Variants in ATP8B4 observed in about 807,000 individuals in gnomAD.
The protein encoded by ATP8B4 is probable phospholipid-transporting ATPase IM.
A neutral mutation model predicts 145.6 loss-of-function variants in ATP8B4; 133 were observed. The ratio of observed to expected loss-of-function variants is 0.91; its 90% CI spans 0.79 to 1.05. The LOEUF (loss-of-function observed/expected upper bound fraction) is 1.05, where lower values mean the gene tolerates loss of function less well. ATP8B4 is among the 50% of genes least tolerant of loss of function. The pLI, the probability that ATP8B4 is intolerant of heterozygous loss-of-function variation, is 0.00. For missense variants in ATP8B4, 1,458 were observed against 1,425.2 expected, an observed-to-expected ratio of 1.02 and a Z score of -0.37; for synonymous variants, 507 against 492.9, an observed-to-expected ratio of 1.03 and a Z score of -0.38.
At chr15:50,072,256 C>T (rs1026513326) in intron 3 of ATP8B4, among the ~76,000 whole-genome samples, 8 of 152,128 alleles carry the variant, frequency 5.3e-5, no homozygotes, top group Non-Finnish European at 8.8e-5. Flanking sequence ...TCAAACCCCT[C>T]TTTGAATTGA....
intron 7 of ATP8B4, chr15:50,009,698 C>CAAATTT (rs2048582722): frequency 2.2e-6 from 1 of 454,374 alleles, no homozygotes; most frequent in Admixed American, 2.4e-5. Context: ...GATGGACAAG[C>CAAATTT]AAATTTAAAT....
At chr15:49,913,659 C>G (rs1190521514) in intron 20 of ATP8B4, among the ~76,000 whole-genome samples, 1 of 152,050 alleles carries the variant, frequency 6.6e-6, no homozygotes, top group Admixed American at 6.6e-5. Context: ...AACTGATAAC[C>G]AAATTCAGTA....
At chr15:50,126,098 G>A (rs938400958) in intron 1 of ATP8B4, among the ~76,000 whole-genome samples, 2 of 152,060 alleles carry the variant, frequency 1.3e-5, no homozygotes, top group Non-Finnish European at 2.9e-5. Context: ...AACAGGCTTC[G>A]GAACTACAGG....
At chr15:50,116,256 A>C (rs1160828855) in intron 1 of ATP8B4, among the ~76,000 whole-genome samples, 2 of 152,158 alleles carry the variant, frequency 1.3e-5, no homozygotes, top group Non-Finnish European at 2.9e-5. Flanking sequence ...TGTCTGTTCA[A>C]GTAAAATAAA....
chr15:50,089,585 G>A (rs2055458807), intron 2 of ATP8B4, among the ~76,000 whole-genome samples: 1 of 152,032 alleles, frequency 6.6e-6, no homozygotes, highest in Non-Finnish European at 1.5e-5. Context: ...TATCTCACAC[G>A]AGTCAGAATG....
intron 14 of ATP8B4, among the ~76,000 whole-genome samples, chr15:49,940,107 C>T (rs2042045938): frequency 6.6e-6 from 1 of 152,090 alleles, no homozygotes; most frequent in South Asian, 2.1e-4. Context: ...GTATGTTCAT[C>T]ATGGTATTAT....
intron 3 of ATP8B4, among the ~76,000 whole-genome samples, chr15:50,056,700 T>C (rs1369282278): frequency 7.3e-6 from 1 of 137,870 alleles, no homozygotes; most frequent in Non-Finnish European, 1.5e-5. Flanking sequence ...TATGTATATG[T>C]GTATATATAT....
At chr15:50,021,328 T>C (rs149279292) in intron 6 of ATP8B4, among the ~76,000 whole-genome samples, 10 of 152,346 alleles carry the variant, frequency 6.6e-5, no homozygotes, top group African/African-American at 2.4e-4. Context: ...AATCTTTTTA[T>C]TGTTCATATA....
At chr15:50,169,835 A>G (rs997043786) in intron 1 of ATP8B4, among the ~76,000 whole-genome samples, 1 of 152,242 alleles carries the variant, frequency 6.6e-6, no homozygotes, top group Non-Finnish European at 1.5e-5. Flanking sequence ...TAAAGAAAAA[A>G]CAATCAAATA....
At position 50,107,012 on chromosome 15, in the gene ATP8B4, A is replaced by G. The variant is rs142525839; in HGVS notation, c.-42-4T>C. 0.011 allele frequency: 16,970 copies of G among 1,530,028 alleles called. 133 individuals carry two copies. Among genetic ancestry groups the G allele is most frequent in the Non-Finnish European group, 0.013 (14,416 of 1,141,354 alleles). 94.8% of individuals were successfully genotyped at this position (1,530,028 alleles called of 1,614,324 possible). On this transcript the variant is annotated splice_region_variant and splice_polypyrimidine_tract_variant and intron_variant, in intron 1 of 27. Transcript: ENST00000284509. ...CAGGTCTCAACAGGTGGCCTACCTA[A>G]GAAAAAGAAGTATGCATATTAGTAT...
intron 1 of ATP8B4, among the ~76,000 whole-genome samples, chr15:50,130,809 C>G (rs1245182982): frequency 1.3e-5 from 2 of 151,996 alleles, no homozygotes; most frequent in Non-Finnish European, 2.9e-5. Context: ...AAATAAGAGT[C>G]TTGGATTGCA....
chr15:50,022,165 GCAA>G (rs920161487), intron 6 of ATP8B4, among the ~76,000 whole-genome samples: 3 of 146,316 alleles, frequency 2.1e-5, no homozygotes, highest in Non-Finnish European at 3.0e-5. Context: ...ACAAAAAAAT[GCAA>G]CAACAAGGGA....
chr15:49,957,817 C>T (rs1183914475), intron 14 of ATP8B4, among the ~76,000 whole-genome samples: 2 of 151,768 alleles, frequency 1.3e-5, no homozygotes, highest in African/African-American at 4.8e-5. Context: ...ATGATCAGAA[C>T]ACTTTAATTA....
chr15:50,007,699 G>T (rs2048412330), intron 7 of ATP8B4, among the ~76,000 whole-genome samples: 1 of 152,088 alleles, frequency 6.6e-6, no homozygotes, highest in African/African-American at 2.4e-5. Flanking sequence ...TCTTTCAGGG[G>T]CCTGTAAGTT....
chr15:49,912,733 A>G (rs1207328901), intron 20 of ATP8B4, among the ~76,000 whole-genome samples: 3 of 152,162 alleles, frequency 2.0e-5, no homozygotes, highest in Non-Finnish European at 4.4e-5. Context: ...AAAACTACAG[A>G]TCAATATCTC....
At chr15:50,147,039 G>C (rs1402926856) in intron 1 of ATP8B4, among the ~76,000 whole-genome samples, 1 of 152,190 alleles carries the variant, frequency 6.6e-6, no homozygotes, top group Non-Finnish European at 1.5e-5. Flanking sequence ...TTTTAAAAGA[G>C]ATATGGAGTA....
At chr15:50,118,017 G>C (rs1040171804) in intron 1 of ATP8B4, among the ~76,000 whole-genome samples, 6 of 152,110 alleles carry the variant, frequency 3.9e-5, no homozygotes, top group Non-Finnish European at 8.8e-5. Context: ...GAGGAAGAAG[G>C]GGGTGAAGGT....
At chr15:50,158,044 C>T (rs1346044495) in intron 1 of ATP8B4, among the ~76,000 whole-genome samples, 1 of 152,234 alleles carries the variant, frequency 6.6e-6, no homozygotes, top group African/African-American at 2.4e-5. Context: ...GACGGAGTCT[C>T]GTTCACTCAG....
Position 50,038,756 on chromosome 15 carries a change from T to C in ATP8B4, c.362+12A>G, listed in dbSNP as rs1405694579. The C allele has an allele frequency of 1.2e-6, 2 of 1,604,882 alleles. No homozygotes were observed. Among genetic ancestry groups the C allele is most frequent in the Non-Finnish European group, 1.7e-6 (2 of 1,171,982 alleles). ...GAAATTTTCAGAATAACCCACAGAATGTATTTCTTACTTGCTGTTGATGAG... is the reference window on the plus strand; with the variant it reads ...GAAATTTTCAGAATAACCCACAGAACGTATTTCTTACTTGCTGTTGATGAG... On this transcript the variant is annotated intron_variant, in intron 6 of 27. Coordinates refer to ENST00000284509, the MANE Select transcript of ATP8B4 (RefSeq NM_024837.4).
Sources: gnomAD v4.1 joint callset for allele counts (sites outside exome capture counted in the v4.1 genomes callset) on GRCh38, gnomAD v4.1.1 for gene constraint, MANE v1.5 for transcripts, NCBI Gene and HGNC (gene_info 2026-07-23, HGNC 2026-07-21) for gene names.